The following BRINP3 variants were observed in gnomAD, a reference collection of about 807,000 sequenced individuals.
The protein encoded by BRINP3 is BMP/retinoic acid-inducible neural-specific protein 3.
BRINP3 carries 19 observed loss-of-function variants against 71.0 expected under a neutral mutation model. The observed-to-expected ratio is 0.27, with a 90% confidence interval of 0.19 to 0.39. The LOEUF (loss-of-function observed/expected upper bound fraction) is 0.39. BRINP3 is among the 10% of genes least tolerant of loss of function. The pLI is 1.00. For synonymous variants in BRINP3, 380 were observed against 337.7 expected, an observed-to-expected ratio of 1.13 and a Z score of -1.37; for missense variants, 959 against 940.8, an observed-to-expected ratio of 1.02 and a Z score of -0.25.
At chr1:190,419,716 C>CACACACAT (rs1673240240) in intron 2 of BRINP3, among the ~76,000 whole-genome samples, 1 of 151,646 alleles carries the variant, frequency 6.6e-6, no homozygotes, top group African/African-American at 2.4e-5. Flanking sequence ...CACACACACA[C>CACACACAT]ACGTTAGCTT....
rs12093281 is a variant in BRINP3, at chr1:190,368,748, C to T, written c.236+85907G>A. On this transcript the variant is annotated intron_variant, in intron 2 of 7. Coordinates refer to ENST00000367462, the MANE Select transcript of BRINP3 (RefSeq NM_199051.3). ...CCCATTTAGATTAAGTAAATTTCCT[C>T]GGGCTCCAGAGGAAGGTCTTCAGGA... is the stretch of plus-strand genomic sequence containing the variant. Among the ~76,000 whole-genome samples the T allele has an allele frequency of 1.8e-4, 27 of 152,102 alleles. No individual in the cohort carries two copies. In the South Asian group the frequency reaches 2.5e-3, roughly 14 times the overall value.
chr1:190,152,513 G>A (rs991835069), intron 7 of BRINP3, among the ~76,000 whole-genome samples: 5 of 133,730 alleles, frequency 3.7e-5, no homozygotes, highest in African/African-American at 8.2e-5. Context: ...TATATATATC[G>A]CCACAGAATC....
chr1:190,195,084 C>A (rs898845151), intron 6 of BRINP3, among the ~76,000 whole-genome samples: 5 of 151,690 alleles, frequency 3.3e-5, no homozygotes. Flanking sequence ...ATCAATACGG[C>A]CTATGATATC....
At chr1:190,245,057 A>G (rs1465564508) in intron 4 of BRINP3, among the ~76,000 whole-genome samples, 1 of 152,028 alleles carries the variant, frequency 6.6e-6, no homozygotes. Flanking sequence ...ATACCTGTGC[A>G]CAGACTAGCT....
chr1:190,174,206 A>G (rs1170460321), intron 6 of BRINP3, among the ~76,000 whole-genome samples: 1 of 152,122 alleles, frequency 6.6e-6, no homozygotes, highest in Admixed American at 6.6e-5. Flanking sequence ...GCTCTGCTCT[A>G]TTGACTCCCT....
intron 7 of BRINP3, among the ~76,000 whole-genome samples, chr1:190,124,059 G>T (rs1318486873): frequency 1.3e-5 from 2 of 152,078 alleles, no homozygotes; most frequent in Non-Finnish European, 2.9e-5. Flanking sequence ...ATTTGAATTT[G>T]TTTCCTAACA....
Position 190,136,116 on chromosome 1 carries a change from A to G in BRINP3, c.1184+24552T>C, listed in dbSNP as rs111475889. 1.4e-3 allele frequency among the ~76,000 whole-genome samples: 220 copies of G among 152,248 alleles called. 2 individuals carry two copies. The highest frequency in any genetic ancestry group is 5.0e-3 in the African/African-American group (208 of 41,584). ...GGTTTCCTATTTTGTTAAAGATAAA[A>G]AAATATTTCATGAGAGAAATTCCAA... On this transcript the variant is annotated intron_variant, in intron 7 of 7. Coordinates refer to ENST00000367462, the MANE Select transcript of BRINP3 (RefSeq NM_199051.3).
intron 2 of BRINP3, among the ~76,000 whole-genome samples, chr1:190,445,269 C>T (rs371737209): frequency 2.0e-5 from 3 of 152,054 alleles, no homozygotes; most frequent in Admixed American, 6.6e-5. Flanking sequence ...CACATTTCAG[C>T]TTTAACTTTA....
chr1:190,168,226 T>TA (rs938758764), intron 6 of BRINP3, among the ~76,000 whole-genome samples: 9 of 105,266 alleles, frequency 8.5e-5, no homozygotes, highest in African/African-American at 4.4e-4. Flanking sequence ...TATATATATA[T>TA]AAAAAGCAAG....
intron 2 of BRINP3, among the ~76,000 whole-genome samples, chr1:190,451,257 A>G (rs990936617): frequency 6.6e-6 from 1 of 152,300 alleles, no homozygotes; most frequent in South Asian, 2.1e-4. Context: ...ATTTTATGAT[A>G]ATGAAAGTTG....
intron 6 of BRINP3, among the ~76,000 whole-genome samples, chr1:190,162,216 G>A (rs369111670): frequency 3.2e-4 from 48 of 150,200 alleles, no homozygotes; most frequent in African/African-American, 1.1e-3. Flanking sequence ...TTTTGAGATG[G>A]GGTTTTGCTC....
chr1:190,296,243 C>A (rs78707434), intron 2 of BRINP3, among the ~76,000 whole-genome samples: 18 of 58,560 alleles, frequency 3.1e-4, no homozygotes, highest in East Asian at 1.1e-3. Flanking sequence ...TAAAAAAAAA[C>A]ATGGGATGTA....
chr1:190,412,567 A>G (rs1031250641), intron 2 of BRINP3, among the ~76,000 whole-genome samples: 1 of 144,016 alleles, frequency 6.9e-6, no homozygotes, highest in Non-Finnish European at 1.5e-5. Flanking sequence ...GGTTCACGCC[A>G]TTCTCCTGCC....
intron 2 of BRINP3, among the ~76,000 whole-genome samples, chr1:190,298,198 G>A (rs1347017579): frequency 1.3e-5 from 2 of 152,028 alleles, no homozygotes; most frequent in Non-Finnish European, 2.9e-5. Context: ...CCACTGTTAA[G>A]AGTTCTGACT....
intron 2 of BRINP3, among the ~76,000 whole-genome samples, chr1:190,340,102 A>G (rs1221614749): frequency 6.6e-6 from 1 of 151,950 alleles, no homozygotes; most frequent in Non-Finnish European, 1.5e-5. Flanking sequence ...TTATATATTG[A>G]GCCTATACAA....
intron 1 of BRINP3, among the ~76,000 whole-genome samples, chr1:190,457,821 C>G (rs1401641696): frequency 6.6e-6 from 1 of 151,754 alleles, no homozygotes; most frequent in Non-Finnish European, 1.5e-5. Context: ...TTCTACAATT[C>G]TGTAATTTTT....
intron 6 of BRINP3, among the ~76,000 whole-genome samples, chr1:190,214,700 G>A (rs1215047311): frequency 6.6e-6 from 1 of 151,914 alleles, no homozygotes; most frequent in African/African-American, 2.4e-5. Flanking sequence ...GTTGCTGTCA[G>A]CCTGAGTGTT....
At chr1:190,285,264 G>A (rs955981063) in intron 2 of BRINP3, among the ~76,000 whole-genome samples, 3 of 151,950 alleles carry the variant, frequency 2.0e-5, no homozygotes, top group Non-Finnish European at 2.9e-5. Context: ...CCTTTTTCCC[G>A]AATACAAGAT....
intron 2 of BRINP3, among the ~76,000 whole-genome samples, chr1:190,392,545 A>G (rs886252543): frequency 2.0e-5 from 3 of 151,604 alleles, no homozygotes; most frequent in African/African-American, 7.3e-5. Context: ...ATAGGGTGGA[A>G]CATGTTTAAA....
Sources: allele counts gnomAD v4.1 joint callset (sites outside exome capture counted in the v4.1 genomes callset), GRCh38; gene constraint gnomAD v4.1.1; transcripts MANE v1.5; gene names NCBI Gene and HGNC (gene_info 2026-07-23, HGNC 2026-07-21).